Variants in ASMTL observed in about 807,000 individuals in gnomAD.
The protein encoded by ASMTL is probable bifunctional dTTP/UTP pyrophosphatase/methyltransferase protein.
A neutral mutation model predicts 60.3 loss-of-function variants in ASMTL; 57 were observed. The ratio of observed to expected loss-of-function variants is 0.95; its 90% CI spans 0.76 to 1.18. The LOEUF is 1.18. Ranked by LOEUF, ASMTL falls within the 50% of genes most tolerant of loss-of-function variation. ASMTL has a pLI of 0.00. For missense variants in ASMTL, 981 were observed against 852.6 expected (o/e 1.15, Z -1.88); for synonymous variants, 419 against 373.0 (o/e 1.12, Z -1.42).
Position 1,418,995 on chromosome X carries a change from G to A in ASMTL, c.1365C>T (p.Ala455=), listed in dbSNP as rs777208201. 1 of 1,611,804 alleles carries A rather than the reference G, an allele frequency of 6.2e-7. No homozygotes were observed. Among genetic ancestry groups the A allele is most frequent in the Non-Finnish European group, 8.5e-7 (1 of 1,179,832 alleles). The part of the protein sequence containing the change: ...TAFNLSRFSS[A]CDVGGCTGAL... ...GGGGCCACCCACCTCCCACGTCGCA[G>A]GCGGAGGAGAAGCGGGACAGATTGA... The change falls in exon 10 of 13, where the codon GCC becomes GCT. Residue 455 remains alanine (A), a synonymous_variant. Coordinates refer to ENST00000381317, the MANE Select transcript of ASMTL (RefSeq NM_004192.4).
intron 8 of ASMTL, among the ~76,000 whole-genome samples, chrX:1,423,475 G>A (rs1333755396): frequency 2.0e-5 from 3 of 152,018 alleles, no homozygotes; most frequent in South Asian, 4.1e-4. Flanking sequence ...ACTTGGTCAT[G>A]TGCTCTCTAT....
chrX:1,410,812 C>T (rs1199948946), intron 12 of ASMTL, among the ~76,000 whole-genome samples: 1 of 151,806 alleles, frequency 6.6e-6, no homozygotes, highest in Non-Finnish European at 1.5e-5. Context: ...ACAGCTTGAG[C>T]CTAGGAGGTC....
At position 1,412,768 on chromosome X, in the gene ASMTL, TGTG is replaced by T; in HGVS notation, c.1606_1608del (p.His536del). On this transcript the variant is annotated inframe_deletion, in exon 12 of 13. Coordinates refer to ENST00000381317, the MANE Select transcript of ASMTL (RefSeq NM_004192.4). ...CTCTCGGCGACCCTGCTGAGTAACTTGTGGACTTTGTCGTCTGGCCAGTCATGC... is the reference window on the plus strand; with the variant it reads ...CTCTCGGCGACCCTGCTGAGTAACTTGACTTTGTCGTCTGGCCAGTCATGC... 6.2e-7 allele frequency: 1 copy of T among 1,613,942 alleles called. No individual in the cohort carries two copies. Among genetic ancestry groups the T allele is most frequent in the African/African-American group, 1.3e-5 (1 of 75,038 alleles).
At chrX:1,429,779 G>A (rs1405720350) in intron 6 of ASMTL, among the ~76,000 whole-genome samples, 9 of 151,396 alleles carry the variant, frequency 5.9e-5, no homozygotes, top group African/African-American at 1.9e-4. Flanking sequence ...CCTGGGTGAC[G>A]GAGGAAGACT....
At chrX:1,423,698 A>C (rs1285909453) in intron 8 of ASMTL, among the ~76,000 whole-genome samples, 3 of 147,956 alleles carry the variant, frequency 2.0e-5, no homozygotes, top group Admixed American at 6.7e-5. Context: ...TCATCCATCC[A>C]TTCCCCCACC....
In ASMTL at chrX:1,427,965, C is replaced by G. The variant is rs760814983; in HGVS notation, c.666G>C (p.Arg222=). Residue 222 remains arginine, a synonymous_variant, in exon 7 of 13, where the codon CGG becomes CGC. Coordinates refer to ENST00000381317, the MANE Select transcript of ASMTL (RefSeq NM_004192.4). The part of the protein sequence containing the change: ...YYPPRPEDLR[R]SVKHDSIPAA... ...CCGGGATGGAGTCGTGCTTGACACT[C>G]CGCCGCAGGTCCTCCGGACGGGGCG... The G allele has an allele frequency of 1.1e-5, 17 of 1,613,386 alleles. No individual in the cohort carries two copies. The highest frequency in any genetic ancestry group is 5.3e-5 in the African/African-American group (4 of 74,942).
intron 1 of ASMTL, among the ~76,000 whole-genome samples, chrX:1,452,086 T>C (rs1188409012): frequency 7.2e-6 from 1 of 139,546 alleles, no homozygotes; most frequent in African/African-American, 2.7e-5. Flanking sequence ...GGTCCCGGGT[T>C]ACTCTCCCCT....
intron 1 of ASMTL, among the ~76,000 whole-genome samples, chrX:1,443,293 A>G (rs868298260): frequency 0.14 from 1,377 of 10,040 alleles, 105 homozygotes; most frequent in African/African-American, 0.18. Context: ...ATGGACACAC[A>G]CCGCCATCTT....
At position 1,435,075 on chromosome X, in the gene ASMTL, C is replaced by T. The variant is rs2090924018; in HGVS notation, c.347G>A (p.Gly116Glu). ...DAYRMLSRLS[G>E]REHSVFTGVA... is the part of the protein sequence containing the mutation. ...ACCTGTGAACACGCTGTGTTCTCTC[C>T]CACTCAACCTGTAAGACAACAACGG... Residue 116 changes from glycine (G) to glutamate (E), a missense_variant, in exon 5 of 13, where the codon GGG becomes GAG. Physicochemically the swap from Gly to Glu is moderately conservative, Grantham distance 98. Coordinates refer to ENST00000381317, the MANE Select transcript of ASMTL (RefSeq NM_004192.4). 1 of 1,613,950 alleles carries T rather than the reference C, an allele frequency of 6.2e-7. No homozygotes were observed.
chrX:1,417,533 ACACATG>A (rs1446172193), intron 11 of ASMTL, among the ~76,000 whole-genome samples: 1 of 132,020 alleles, frequency 7.6e-6, no homozygotes, highest in Non-Finnish European at 1.7e-5. Context: ...GCACACACAC[ACACATG>A]CACACAGACA....
At chrX:1,439,332 G>A (rs1376137436) in intron 2 of ASMTL, among the ~76,000 whole-genome samples, 188 bp from the exon 3 acceptor site, 7 of 152,012 alleles carry the variant, frequency 4.6e-5, no homozygotes, top group Non-Finnish European at 1.0e-4. Context: ...CGCCCTGCAG[G>A]GGCTGGAACG....
intron 8 of ASMTL, among the ~76,000 whole-genome samples, chrX:1,422,128 CCTTT>C (rs1444206488): frequency 6.6e-6 from 1 of 152,182 alleles, no homozygotes; most frequent in East Asian, 1.9e-4. Flanking sequence ...TGAGGCTGAT[CCTTT>C]CTTCATGATC....
intron 1 of ASMTL, among the ~76,000 whole-genome samples, chrX:1,448,528 C>CAA (rs2091280883): frequency 6.8e-6 from 1 of 147,330 alleles, no homozygotes; most frequent in African/African-American, 2.5e-5. Context: ...ACACATGCCG[C>CAA]CATCTTGGAC....
At chrX:1,430,885 AT>A (rs201293098) in intron 6 of ASMTL, among the ~76,000 whole-genome samples, 13,062 of 143,658 alleles carry the variant, frequency 0.091, 748 homozygotes, top group Admixed American at 0.13. Context: ...ATAAAAATAT[AT>A]TTTATATAAT....
At chrX:1,444,924 AC>A (rs1279224834) in intron 1 of ASMTL, among the ~76,000 whole-genome samples, 6 of 151,540 alleles carry the variant, frequency 4.0e-5, no homozygotes, top group African/African-American at 1.5e-4. Context: ...TCCACCTCTG[AC>A]CCCCTGCAAC....
intron 9 of ASMTL, among the ~76,000 whole-genome samples, chrX:1,419,449 C>T (rs2090412820): frequency 6.6e-6 from 1 of 152,176 alleles, no homozygotes; most frequent in Non-Finnish European, 1.5e-5. Context: ...CCCACAAACA[C>T]CTCACTGGAG....
intron 11 of ASMTL, among the ~76,000 whole-genome samples, chrX:1,417,553 A>AC (rs2090336109): frequency 8.3e-6 from 1 of 120,386 alleles, no homozygotes; most frequent in Non-Finnish European, 1.8e-5. Flanking sequence ...ACAGACACAC[A>AC]AGCACGACAG....
At position 1,412,769 on chromosome X, in the gene ASMTL, G is replaced by A. The variant is rs755845711; in HGVS notation, c.1608C>T (p.His536=). The A allele has an allele frequency of 4.3e-6, 7 of 1,613,972 alleles. No homozygotes were observed. The highest frequency in any genetic ancestry group is 1.7e-4 in the Middle Eastern group (1 of 6,056). Residue 536 remains histidine, a synonymous_variant, in exon 12 of 13, where the codon CAC becomes CAT. Transcript: ENST00000381317. ...ILHDWPDDKV[H]KLLSRVAESC... is the part of the protein sequence containing the mutation. ...TCTCGGCGACCCTGCTGAGTAACTT[G>A]TGGACTTTGTCGTCTGGCCAGTCAT...
chrX:1,440,651 C>T (rs768342529), intron 2 of ASMTL, among the ~76,000 whole-genome samples: 10 of 151,558 alleles, frequency 6.6e-5, no homozygotes, highest in African/African-American at 1.9e-4. Context: ...TAGTGTATTA[C>T]GGTGGGGTGC....
Sources: gnomAD v4.1 joint callset for allele counts (sites outside exome capture counted in the v4.1 genomes callset) on GRCh38, gnomAD v4.1.1 for gene constraint, MANE v1.5 for transcripts, NCBI Gene and HGNC (gene_info 2026-07-23, HGNC 2026-07-21) for gene names.